Variants in FRK observed in about 807,000 individuals in gnomAD.
FRK encodes tyrosine-protein kinase FRK.
A neutral mutation model predicts 56.4 loss-of-function variants in FRK; 51 were observed. The ratio of observed to expected loss-of-function variants is 0.90; its 90% CI spans 0.72 to 1.14. FRK has a LOEUF of 1.14. Ranked by LOEUF, FRK falls within the 50% of genes most tolerant of loss-of-function variation. The probability of loss-of-function intolerance (pLI) is 0.00; values close to 1 mark genes in which losing one functional copy is unlikely to be tolerated. For missense variants in FRK, 570 were observed against 601.4 expected, an observed-to-expected ratio of 0.95 and a Z score of 0.55; for synonymous variants, 245 against 217.9, an observed-to-expected ratio of 1.12 and a Z score of -1.10.
At chr6:116,024,057 TAC>T (rs55922355) in intron 1 of FRK, among the ~76,000 whole-genome samples, 15,047 of 136,408 alleles carry the variant, frequency 0.11, 926 homozygotes, top group African/African-American at 0.18. Context: ...CCTGAGAACT[TAC>T]ACACACACAC....
chr6:116,074,513 GCAAA>G, the FRK span, among the ~76,000 whole-genome samples: 1 of 152,066 alleles, frequency 6.6e-6, no homozygotes, highest in Non-Finnish European at 1.5e-5. Context: ...TTAAATTTGA[GCAAA>G]CACTTTTAAA....
intron 2 of FRK, among the ~76,000 whole-genome samples, chr6:115,997,846 C>T (rs187810199): frequency 3.2e-4 from 49 of 152,254 alleles, no homozygotes; most frequent in African/African-American, 1.2e-3. Context: ...CCACTGTCAC[C>T]CCATAGGGAC....
chr6:116,063,458 G>C (rs1322362614), upstream of FRK, among the ~76,000 whole-genome samples: 6 of 151,926 alleles, frequency 3.9e-5, no homozygotes, highest in Non-Finnish European at 7.4e-5. Flanking sequence ...ACCAGACATG[G>C]AGGCAAATAC....
chr6:115,956,427 TCC>T (rs1285113623), intron 5 of FRK, 23 bp downstream of exon 5: 1 of 1,469,220 alleles, frequency 6.8e-7, no homozygotes, highest in Admixed American at 2.5e-5. Context: ...CCTCTTTTTT[TCC>T]TTGTATTAAG....
At chr6:116,065,302 T>C (rs544986263), upstream of FRK, among the ~76,000 whole-genome samples, 2 of 152,210 alleles carry the variant, frequency 1.3e-5, no homozygotes, top group East Asian at 3.9e-4. Context: ...TAAAGGAAAA[T>C]TGGACTCTGT....
chr6:115,973,314 A>C (rs1773876262), intron 2 of FRK, among the ~76,000 whole-genome samples: 1 of 152,150 alleles, frequency 6.6e-6, no homozygotes, highest in Non-Finnish European at 1.5e-5. Flanking sequence ...AAGAACAGAA[A>C]ACCAAACACC....
At chr6:116,081,210 C>G in the FRK span, among the ~76,000 whole-genome samples, 1 of 152,160 alleles carries the variant, frequency 6.6e-6, no homozygotes, top group African/African-American at 2.4e-5. Flanking sequence ...AGCAACAGTT[C>G]AAGATGAGAT....
chr6:116,063,018 A>G (rs368120221), upstream of FRK, among the ~76,000 whole-genome samples: 36 of 152,182 alleles, frequency 2.4e-4, 1 homozygote, highest in Non-Finnish European at 1.0e-4. Flanking sequence ...TCTCTGGCTC[A>G]TCTTGCACAC....
chr6:116,062,016 A>G (rs1777644467), upstream of FRK, among the ~76,000 whole-genome samples: 1 of 150,970 alleles, frequency 6.6e-6, no homozygotes, highest in Non-Finnish European at 1.5e-5. Flanking sequence ...GAAAGAAAGA[A>G]AGAAAGAAAA....
intron 1 of FRK, among the ~76,000 whole-genome samples, chr6:116,024,460 T>G (rs2114744223): frequency 6.8e-6 from 1 of 146,912 alleles, no homozygotes; most frequent in Non-Finnish European, 1.5e-5. Flanking sequence ...GTTCCCCTTC[T>G]TGTGTCCATG....
intron 5 of FRK, among the ~76,000 whole-genome samples, chr6:115,953,496 A>G (rs149246465): frequency 1.6e-3 from 240 of 152,288 alleles, no homozygotes; most frequent in Middle Eastern, 3.4e-3. Flanking sequence ...GCCCAAGGCC[A>G]CTTTATTGAA....
At chr6:116,002,639 C>A (rs1250854122) in intron 2 of FRK, 1 of 451,388 alleles carries the variant, frequency 2.2e-6, no homozygotes, top group Non-Finnish European at 4.5e-6. Context: ...ACACATCACA[C>A]ACAATCACAT....
At chr6:116,039,055 C>T in intron 1 of FRK, 1 of 760,982 alleles carries the variant, frequency 1.3e-6, no homozygotes, top group South Asian at 1.3e-5. Context: ...GTAGGCATGT[C>T]TTTGGGGAGT....
At chr6:116,019,492 G>A (rs1290460645) in intron 1 of FRK, among the ~76,000 whole-genome samples, 3 of 152,132 alleles carry the variant, frequency 2.0e-5, no homozygotes, top group Non-Finnish European at 2.9e-5. Context: ...CTATGACGAC[G>A]ATGACAATTA....
chr6:115,985,015 C>T (rs1359115115), intron 2 of FRK, among the ~76,000 whole-genome samples: 1 of 152,078 alleles, frequency 6.6e-6, no homozygotes, highest in African/African-American at 2.4e-5. Context: ...GAGCCTTGTA[C>T]TTGAAAGGCA....
At chr6:116,100,673 T>C in the FRK span, among the ~76,000 whole-genome samples, 1 of 152,248 alleles carries the variant, frequency 6.6e-6, no homozygotes, top group African/African-American at 2.4e-5. Context: ...GTCGCCGGCA[T>C]TGGGGTACCA....
At chr6:116,073,942 C>A in the FRK span, among the ~76,000 whole-genome samples, 1 of 152,168 alleles carries the variant, frequency 6.6e-6, no homozygotes, top group African/African-American at 2.4e-5. Flanking sequence ...AAGCTGTGAG[C>A]AAGTTAACTT....
intron 1 of FRK, among the ~76,000 whole-genome samples, chr6:116,014,835 C>G (rs1775592684): frequency 6.6e-6 from 1 of 152,054 alleles, no homozygotes; most frequent in Non-Finnish European, 1.5e-5. Context: ...TCTTCCATGA[C>G]TAGAAACAAA....
At chr6:116,036,780 T>C (rs1776499977) in intron 1 of FRK, among the ~76,000 whole-genome samples, 1 of 152,124 alleles carries the variant, frequency 6.6e-6, no homozygotes, top group African/African-American at 2.4e-5. Flanking sequence ...TCAATGTACT[T>C]AACTGTAAAT....
Sources: gnomAD v4.1 joint callset for allele counts (sites outside exome capture counted in the v4.1 genomes callset) on GRCh38, gnomAD v4.1.1 for gene constraint, MANE v1.5 for transcripts, NCBI Gene and HGNC (gene_info 2026-07-23, HGNC 2026-07-21) for gene names.